The following DBF4B variants were observed in gnomAD, a reference collection of about 807,000 sequenced individuals.
DBF4B encodes the protein DBF4B-CDC7 kinase regulatory subunit, also known as protein DBF4 homolog B.
A neutral mutation model predicts 53.4 loss-of-function variants in DBF4B; 49 were observed. The observed-to-expected ratio is 0.92, with a 90% CI of 0.73 to 1.16. DBF4B has a LOEUF of 1.16. DBF4B is among the 50% of genes most tolerant of loss of function. The pLI is 0.00. For missense variants in DBF4B, 692 were observed against 775.0 expected (o/e 0.89, Z 1.27); for synonymous variants, 257 against 288.7 (o/e 0.89, Z 1.11).
intron 2 of DBF4B, among the ~76,000 whole-genome samples, chr17:44,722,325 T>G: frequency 6.6e-6 from 1 of 152,186 alleles, no homozygotes; most frequent in Non-Finnish European, 1.5e-5. Flanking sequence ...GGTTGGGAAG[T>G]AGGCCCATTC....
Position 44,730,990 on chromosome 17 carries a change from T to A in DBF4B, c.443T>A (p.Leu148Gln). Residue 148 changes from leucine (L) to glutamine (Q), a missense_variant, in exon 5 of 14, where the codon CTG becomes CAG. Coordinates refer to ENST00000315005, the MANE Select transcript of DBF4B (RefSeq NM_145663.3). ...GTGCCTCTAAGCAGAGGGAAGGAGC[T>A]GCTGCAGAAGGCTATCAGAAACCAG... The part of the protein sequence containing the change: ...DSVPLSRGKE[L>Q]LQKAIRNQGS... 1 of 1,614,074 alleles carries A rather than the reference T, an allele frequency of 6.2e-7. No homozygotes were observed. The highest frequency in any genetic ancestry group is 8.5e-7 in the Non-Finnish European group (1 of 1,179,954).
chr17:44,710,181 GA>G (rs532452254), intron 2 of DBF4B, among the ~76,000 whole-genome samples: 11 of 147,460 alleles, frequency 7.5e-5, no homozygotes, highest in Admixed American at 2.7e-4. Flanking sequence ...TCAAAAAAAA[GA>G]AAAAAAAAAT....
At chr17:44,732,478 G>T in intron 6 of DBF4B, 1 of 566,786 alleles carries the variant, frequency 1.8e-6, no homozygotes, top group Non-Finnish European at 3.2e-6. Flanking sequence ...CATCCCGCAG[G>T]AGGTCCCTAG....
At chr17:44,724,611 C>G (rs1357758468) in intron 3 of DBF4B, among the ~76,000 whole-genome samples, 1 of 152,146 alleles carries the variant, frequency 6.6e-6, no homozygotes, top group African/African-American at 2.4e-5. Flanking sequence ...GATCTCCTGA[C>G]CTCGTGATCC....
At chr17:44,744,531 C>T (rs561026079) in intron 10 of DBF4B, among the ~76,000 whole-genome samples, 3 of 152,222 alleles carry the variant, frequency 2.0e-5, no homozygotes, top group East Asian at 3.9e-4. Context: ...CTTAGATTAG[C>T]TCCAATGAAA....
intron 2 of DBF4B, among the ~76,000 whole-genome samples, chr17:44,711,426 T>A (rs1972856200): frequency 6.6e-6 from 1 of 152,098 alleles, no homozygotes; most frequent in African/African-American, 2.4e-5. Flanking sequence ...TTCTCCTGCC[T>A]CAGTCTCCCA....
At chr17:44,732,325 C>A in intron 6 of DBF4B, 60 bp downstream of exon 6, 1 of 1,565,584 alleles carries the variant, frequency 6.4e-7, no homozygotes, top group Non-Finnish European at 8.8e-7. Context: ...CCAGGAGTGT[C>A]AGCTTTTAGA....
chr17:44,721,085 C>T (rs1320387496), intron 2 of DBF4B, among the ~76,000 whole-genome samples: 1 of 151,970 alleles, frequency 6.6e-6, no homozygotes, highest in Non-Finnish European at 1.5e-5. Context: ...AGGCTGGTCT[C>T]GAAGTCCTTA....
chr17:44,738,249 C>T (rs1418628168), intron 8 of DBF4B, 130 bp from the exon 9 acceptor site: 3 of 989,488 alleles, frequency 3.0e-6, no homozygotes, highest in Admixed American at 2.4e-5. Flanking sequence ...CCTGGGGTGG[C>T]ATGATTTCCA....
chr17:44,715,663 T>G (rs1973257380), intron 2 of DBF4B, among the ~76,000 whole-genome samples: 1 of 151,840 alleles, frequency 6.6e-6, no homozygotes, highest in Non-Finnish European at 1.5e-5. Flanking sequence ...CAGTGTCTTG[T>G]TGTGCTTAAT....
rs1223072373 is a variant in DBF4B, at chr17:44,741,393, A to T, written c.771A>T (p.Gly257=). The T allele has an allele frequency of 6.2e-7, 1 of 1,613,684 alleles. No homozygotes were observed. Among genetic ancestry groups the T allele is most frequent in the Admixed American group, 1.7e-5 (1 of 59,970 alleles). ...CCTTTCCTGAAATTTCTTTTCTTGG[A>T]CCCAAAGATGCAAGTCCCTTTGAGG... is the stretch of plus-strand genomic sequence containing the variant. ...FKSFPEISFL[G]PKDASPFEAP... Residue 257 remains glycine, a synonymous_variant, in exon 10 of 14, where the codon GGA becomes GGT. Coordinates refer to ENST00000315005, the MANE Select transcript of DBF4B (RefSeq NM_145663.3).
At position 44,749,652 on chromosome 17, in the gene DBF4B, A is replaced by G. The variant is rs1246406914; in HGVS notation, c.1190-943A>G. 1.7e-6 allele frequency: 2 copies of G among 1,169,590 alleles called. No homozygotes were observed. The highest frequency in any genetic ancestry group is 2.1e-6 in the Non-Finnish European group (2 of 930,772). The allele number at this position is 1,169,590 out of a possible 1,614,324, so 72.5% of individuals were successfully genotyped here. On this transcript the variant is annotated intron_variant, in intron 13 of 13. Transcript: ENST00000315005. This position sits in a 1 kb window ranked among gnomAD's most constrained non-coding sequence, Gnocchi z 4.4. The stretch of plus-strand genomic sequence containing the variant: ...GGCAGAGTCTACAGTGGGCTTGCCC[A>G]GCTGAGGCTGGCCGCCCACGCCAGG...
rs1567676192 is a variant in DBF4B at position 44,747,480 on chromosome 17, CT to C, written c.1032del (p.Phe344LeufsTer44). 1 of 1,614,136 alleles carries C rather than the reference CT, an allele frequency of 6.2e-7. No homozygotes were observed. The highest frequency in any genetic ancestry group is 1.1e-5 in the South Asian group (1 of 91,082). ...DRIIAQLSHS[F>X]ADIPFQAGLP... The stretch of plus-strand genomic sequence containing the variant: ...GGATCATTGCTCAGCTCAGCCACAG[CT>C]TTGCAGACATCCCTTTCCAGGCTGG... On this transcript the variant is annotated frameshift_variant, in exon 12 of 14. Coordinates refer to ENST00000315005, the MANE Select transcript of DBF4B (RefSeq NM_145663.3). LOFTEE classifies it high-confidence loss of function.
intron 3 of DBF4B, among the ~76,000 whole-genome samples, chr17:44,726,083 G>C (rs911470364): frequency 1.4e-5 from 2 of 143,356 alleles, no homozygotes; most frequent in African/African-American, 5.4e-5. Context: ...TCCACCTCCC[G>C]GGTTCAAGCA....
rs68091397 is a variant in DBF4B at position 44,725,684 on chromosome 17, C to CTTTTTTTTTTTTTTTTTTTTT, written c.225+2682_225+2683insTTTTTTTTTTTTTTTTTTTTT. ...ATCCTGCCTTTGTTTTTTTGTGCTT[C>CTTTTTTTTTTTTTTTTTTTTT]TTTTTTTTTTTTTTTTTTTTAAGAG... On this transcript the variant is annotated intron_variant, in intron 3 of 13. Coordinates refer to ENST00000315005, the MANE Select transcript of DBF4B (RefSeq NM_145663.3). Among the ~76,000 whole-genome samples the CTTTTTTTTTTTTTTTTTTTTT allele has an allele frequency of 5.1e-4, 45 of 87,634 alleles. 3 individuals are homozygous for CTTTTTTTTTTTTTTTTTTTTT. Among genetic ancestry groups the CTTTTTTTTTTTTTTTTTTTTT allele is most frequent in the East Asian group, 1.0e-3 (4 of 3,904 alleles). The allele number at this position is 87,634 out of a possible 152,430, so 57.5% of individuals were successfully genotyped here. A position where few individuals can be genotyped will look rare whatever the true frequency, so the allele number is the denominator to read the frequency against.
In DBF4B at chr17:44,734,673, C is replaced by T. The variant is rs187957037; in HGVS notation, c.630+510C>T. Among the ~76,000 whole-genome samples the T allele has an allele frequency of 8.5e-5, 13 of 152,366 alleles. No individual in the cohort carries two copies. In the East Asian group the frequency reaches 9.6e-4, roughly 11 times the overall value. ...CCAACCTGGTTTAAAGCCACAGTATCTTCACCCAAGCCTCAATCTGAGGAA... is the reference window on the plus strand; with the variant it reads ...CCAACCTGGTTTAAAGCCACAGTATTTTCACCCAAGCCTCAATCTGAGGAA... On this transcript the variant is annotated intron_variant, in intron 7 of 13. Transcript: ENST00000315005.
At position 44,750,996 on chromosome 17, in the gene DBF4B, G is replaced by A. The variant is rs1194886459; in HGVS notation, c.1591G>A (p.Glu531Lys). The change falls in exon 14 of 14, where the codon GAG (glutamate) becomes AAG (lysine). Residue 531 changes from glutamate to lysine, a missense_variant. By Grantham distance (56) the Glu-to-Lys change is moderately conservative. This residue lies in a region of DBF4B where 597 missense variants were observed against 665.8 expected (regional missense o/e 0.90). Coordinates refer to ENST00000315005, the MANE Select transcript of DBF4B (RefSeq NM_145663.3). ...TCCCCATGACACCACCCCTCTGCAT[G>A]AGGAAGTTTCCCCTTGCCCCTGTCT... ...LIPHDTTPLH[E>K]EVSPCPCLRL... 3.1e-6 allele frequency: 5 copies of A among 1,614,126 alleles called. No homozygotes were observed. The highest frequency in any genetic ancestry group is 4.5e-5 in the East Asian group (2 of 44,876).
intron 2 of DBF4B, among the ~76,000 whole-genome samples, chr17:44,716,749 G>C (rs1336305653): frequency 6.6e-6 from 1 of 152,142 alleles, no homozygotes; most frequent in Non-Finnish European, 1.5e-5. Flanking sequence ...AGGGTTCTGA[G>C]AGTCTATTCC....
chr17:44,737,397 T>C (rs1331095945), intron 8 of DBF4B, among the ~76,000 whole-genome samples: 1 of 152,178 alleles, frequency 6.6e-6, no homozygotes, highest in Non-Finnish European at 1.5e-5. Flanking sequence ...ACTTGGCACC[T>C]CTCTCATGCT....
Sources: gnomAD v4.1 joint callset for allele counts (sites outside exome capture counted in the v4.1 genomes callset) on GRCh38, gnomAD v4.1.1 for gene constraint, gnomAD v4.1.1 regional missense constraint, Gnocchi (gnomAD v3.1) non-coding constraint, MANE v1.5 for transcripts, NCBI Gene and HGNC (gene_info 2026-07-23, HGNC 2026-07-21) for gene names.